Variants in COL15A1 observed in about 807,000 individuals in gnomAD.
COL15A1 encodes collagen type XV alpha 1 chain, also known as collagen alpha-1(XV) chain.
Under a neutral mutation model 165.9 loss-of-function variants are expected in COL15A1, and 111 were observed. The ratio of observed to expected loss-of-function variants is 0.67; its 90% CI spans 0.57 to 0.78. The LOEUF (loss-of-function observed/expected upper bound fraction) is 0.78. Among genes scored for constraint, COL15A1 ranks in the 30% least tolerant of loss-of-function variants. The pLI, the probability that COL15A1 is intolerant of heterozygous loss-of-function variation, is 0.00. For synonymous variants in COL15A1, 659 were observed against 674.8 expected, an observed-to-expected ratio of 0.98 and a Z score of 0.36; for missense variants, 1,745 against 1,789.7, an observed-to-expected ratio of 0.98 and a Z score of 0.45.
intron 2 of COL15A1, among the ~76,000 whole-genome samples, chr9:98,976,827 CA>C (rs1226101051): frequency 6.6e-6 from 1 of 152,124 alleles, no homozygotes; most frequent in African/African-American, 2.4e-5. Context: ...ATATATGCTA[CA>C]TAGAGTCAGG....
chr9:98,962,159 C>A (rs1837875663), intron 2 of COL15A1, among the ~76,000 whole-genome samples: 2 of 152,248 alleles, frequency 1.3e-5, no homozygotes, highest in Admixed American at 1.3e-4. Context: ...CTCTCTGGAT[C>A]TCTGTATTGA....
At chr9:99,032,554 G>T (rs10988605) in intron 16 of COL15A1, among the ~76,000 whole-genome samples, 2 of 151,992 alleles carry the variant, frequency 1.3e-5, no homozygotes, top group African/African-American at 2.4e-5. Flanking sequence ...ACTTTTTTTG[G>T]GGGGAGGGGT....
At chr9:98,968,834 C>T (rs1421618074) in intron 2 of COL15A1, among the ~76,000 whole-genome samples, 1 of 152,198 alleles carries the variant, frequency 6.6e-6, no homozygotes, top group African/African-American at 2.4e-5. Flanking sequence ...TAAGCTGACT[C>T]CCAGGTTCCA....
In COL15A1 at chr9:99,060,230, A is replaced by ATT. The variant is rs546843013; in HGVS notation, c.3402+281_3402+282dup. Among the ~76,000 whole-genome samples the ATT allele has an allele frequency of 3.9e-4, 53 of 136,420 alleles. 1 individual carries two copies. Among genetic ancestry groups the ATT allele is most frequent in the Admixed American group, 2.0e-3 (26 of 12,910 alleles). The allele number at this position is 136,420 out of a possible 152,430, so 89.5% of individuals were successfully genotyped here. A position where few individuals can be genotyped will look rare whatever the true frequency, so the allele number is the denominator to read the frequency against. ...CAAGAACCAATCATATTACTTATAT[A>ATT]TTTTTATATATATATATATATATAT... is the stretch of plus-strand genomic sequence containing the variant. On this transcript the variant is annotated intron_variant, in intron 36 of 41. Transcript: ENST00000375001.
At chr9:98,981,247 C>G (rs1299799104) in intron 2 of COL15A1, among the ~76,000 whole-genome samples, 2 of 152,186 alleles carry the variant, frequency 1.3e-5, no homozygotes, top group Non-Finnish European at 1.5e-5. Context: ...CACCTGAGGT[C>G]AGGAGTTCGA....
chr9:99,017,911 G>A (rs764364946), intron 11 of COL15A1, among the ~76,000 whole-genome samples: 4 of 152,156 alleles, frequency 2.6e-5, no homozygotes, highest in Non-Finnish European at 4.4e-5. Context: ...CATACCCATC[G>A]TTCAGTTTGG....
intron 11 of COL15A1, among the ~76,000 whole-genome samples, chr9:99,019,824 A>G (rs144688883): frequency 3.3e-5 from 5 of 152,272 alleles, no homozygotes; most frequent in African/African-American, 1.2e-4. Context: ...AGCTGTCTAG[A>G]ATTATTTTGC....
chr9:99,006,374 G>T (rs1394055458), intron 9 of COL15A1, among the ~76,000 whole-genome samples: 2 of 152,224 alleles, frequency 1.3e-5, no homozygotes, highest in African/African-American at 4.8e-5. Flanking sequence ...ATGAGTATCT[G>T]CTGAGTGAGT....
At chr9:99,024,268 G>GTTTTTTTTTTTTTTATTT (rs201734908) in intron 14 of COL15A1, among the ~76,000 whole-genome samples, 1 of 131,460 alleles carries the variant, frequency 7.6e-6, no homozygotes, top group Non-Finnish European at 1.6e-5. Flanking sequence ...ACCACAAGCA[G>GTTTTTTTTTTTTTTATTT]TTTTTTTTGT....
In COL15A1 at chr9:99,044,656, C is replaced by G; in HGVS notation, c.2643+20C>G. 6.2e-7 allele frequency: 1 copy of G among 1,613,420 alleles called. No homozygotes were observed. The highest frequency in any genetic ancestry group is 8.5e-7 in the Non-Finnish European group (1 of 1,179,376). On this transcript the variant is annotated intron_variant, in intron 25 of 41. Coordinates refer to ENST00000375001, the MANE Select transcript of COL15A1 (RefSeq NM_001855.5). ...AAAAAGGTAATTATGTCACCAGACC[C>G]TGCAGGCACATATCTGCCCCAGCTT...
intron 11 of COL15A1, among the ~76,000 whole-genome samples, chr9:99,018,706 A>C (rs1291038735): frequency 1.3e-5 from 2 of 152,224 alleles, no homozygotes; most frequent in Non-Finnish European, 2.9e-5. Flanking sequence ...CCTGTTAGAA[A>C]TATTTAATGA....
chr9:99,036,369 A>T lies in COL15A1; in HGVS notation c.2382A>T (p.Pro794=). 1.2e-6 allele frequency: 2 copies of T among 1,614,202 alleles called. No individual in the cohort carries two copies. The highest frequency in any genetic ancestry group is 2.7e-5 in the African/African-American group (2 of 75,058). Reference sequence around the variant, plus strand: ...TGGGACCCCCTGGGCCGAGAGGGCCACCTGGGCACATCAAGGTCTTGTCTA... The same window carrying T: ...TGGGACCCCCTGGGCCGAGAGGGCCTCCTGGGCACATCAAGGTCTTGTCTA... ...SIVGPPGPRG[P]PGHIKVLSNS... Residue 794 remains proline (P), a synonymous_variant, in exon 21 of 42, where the codon CCA becomes CCT. Transcript: ENST00000375001.
rs573768784 is a variant in COL15A1, at chr9:98,959,852, C to T, written c.100+15602C>T. Among the ~76,000 whole-genome samples, 17 of 152,282 alleles carry T rather than the reference C, an allele frequency of 1.1e-4. No homozygotes were observed. The East Asian group carries it at 1.4e-3, about 12-fold the overall frequency. ...CAAAACGCTTCCATGTTTTCTGTGA[C>T]GCACAATGCATTCCACACTCCTTGG... On this transcript the variant is annotated intron_variant, in intron 2 of 41. Coordinates refer to ENST00000375001, the MANE Select transcript of COL15A1 (RefSeq NM_001855.5).
chr9:99,003,346 A>G, intron 7 of COL15A1, 107 bp from the exon 8 acceptor site: 1 of 835,640 alleles, frequency 1.2e-6, no homozygotes, highest in South Asian at 3.4e-5. Context: ...GAAAGAAGCT[A>G]CAGAAATGCA....
chr9:98,962,812 A>T (rs559421191), intron 2 of COL15A1, among the ~76,000 whole-genome samples: 1 of 152,316 alleles, frequency 6.6e-6, no homozygotes, highest in South Asian at 2.1e-4. Context: ...TATTGACAAG[A>T]TGGAGATGGT....
intron 26 of COL15A1, 53 bp from the exon 27 acceptor site, chr9:99,047,733 C>G: frequency 1.9e-6 from 3 of 1,598,516 alleles, no homozygotes; most frequent in Non-Finnish European, 2.6e-6. Context: ...TCCTCATTTC[C>G]CTGAACCAAG....
Position 99,046,992 on chromosome 9 carries a change from G to A in COL15A1, c.2680-794G>A, listed in dbSNP as rs531887233. On this transcript the variant is annotated intron_variant, in intron 26 of 41. Transcript: ENST00000375001. Reference sequence around the variant, plus strand: ...GTATGTTTATGGTAGGATGAAAAGGGACTTGGAGTGCCCCAGGCTTAAATC... The same window carrying A: ...GTATGTTTATGGTAGGATGAAAAGGAACTTGGAGTGCCCCAGGCTTAAATC... 2.1e-3 allele frequency among the ~76,000 whole-genome samples: 326 copies of A among 152,316 alleles called. 3 individuals carry two copies. The highest frequency in any genetic ancestry group is 7.6e-3 in the African/African-American group (317 of 41,570).
At chr9:98,958,770 G>T (rs1837818406) in intron 2 of COL15A1, among the ~76,000 whole-genome samples, 1 of 152,154 alleles carries the variant, frequency 6.6e-6, no homozygotes, top group African/African-American at 2.4e-5. Flanking sequence ...CCCCGCACTG[G>T]TTTAGTGGCT....
chr9:98,959,692 C>T (rs1837836908), intron 2 of COL15A1, among the ~76,000 whole-genome samples: 1 of 152,204 alleles, frequency 6.6e-6, no homozygotes, highest in Admixed American at 6.5e-5. Context: ...GCCTGTGTTA[C>T]CTCTTTCTGC....
Sources: gnomAD v4.1 joint callset for allele counts (sites outside exome capture counted in the v4.1 genomes callset) on GRCh38, gnomAD v4.1.1 for gene constraint, MANE v1.5 for transcripts, NCBI Gene and HGNC (gene_info 2026-07-23, HGNC 2026-07-21) for gene names.